The following NPAT variants were observed in gnomAD, a reference collection of about 807,000 sequenced individuals.
NPAT encodes the protein protein NPAT.
A neutral mutation model predicts 130.7 loss-of-function variants in NPAT; 52 were observed. The observed-to-expected ratio is 0.40, with a 90% CI of 0.32 to 0.50. The LOEUF (loss-of-function observed/expected upper bound fraction) is 0.50, where lower values mean the gene tolerates loss of function less well. Ranked by LOEUF, NPAT falls within the 20% of genes least tolerant of loss-of-function variation. The probability of loss-of-function intolerance (pLI) is 0.68; values close to 1 mark genes in which losing one functional copy is unlikely to be tolerated. For synonymous variants in NPAT, 580 were observed against 584.8 expected, an observed-to-expected ratio of 0.99 and a Z score of 0.12; for missense variants, 1,687 against 1,662.6, an observed-to-expected ratio of 1.01 and a Z score of -0.26.
intron 2 of NPAT, among the ~76,000 whole-genome samples, chr11:108,195,072 T>C (rs1420510154): frequency 2.0e-5 from 3 of 152,218 alleles, no homozygotes; most frequent in African/African-American, 7.2e-5. Context: ...TCCACTCGCC[T>C]TGGCCTCCCA....
intron 1 of NPAT, among the ~76,000 whole-genome samples, chr11:108,206,031 C>T (rs1318706523): frequency 3.3e-5 from 5 of 152,156 alleles, no homozygotes; most frequent in East Asian, 1.9e-4. Context: ...GGTGACAGAG[C>T]GAGACCCTGT....
chr11:108,214,623 T>C (rs934382984), intron 1 of NPAT, among the ~76,000 whole-genome samples: 2 of 151,812 alleles, frequency 1.3e-5, no homozygotes, highest in Admixed American at 6.6e-5. Context: ...TAAAAAAATA[T>C]GATTCCAATT....
At chr11:108,210,822 A>G (rs2078377308) in intron 1 of NPAT, among the ~76,000 whole-genome samples, 1 of 152,242 alleles carries the variant, frequency 6.6e-6, no homozygotes, top group Admixed American at 6.5e-5. Flanking sequence ...CTCTTTTTGA[A>G]ATAGTAGGAG....
At chr11:108,176,433 G>C in intron 11 of NPAT, 59 bp from the exon 12 acceptor site, 1 of 1,208,210 alleles carries the variant, frequency 8.3e-7, no homozygotes, top group Non-Finnish European at 1.2e-6. Flanking sequence ...AAACATCAAT[G>C]AATACAGCTT....
chr11:108,162,176 T>C lies in NPAT; in HGVS notation c.3015A>G (p.Lys1005=). The C allele has an allele frequency of 1.9e-6, 3 of 1,613,234 alleles. No homozygotes were observed. The highest frequency in any genetic ancestry group is 2.5e-6 in the Non-Finnish European group (3 of 1,179,230). The part of the protein sequence containing the change: ...QGLRNKPCIG[K]QVNNLVDSSG... Reference sequence around the variant, plus strand: ...ACGAATCCACCAAATTATTTACTTGTTTTCCTGAAATTATAAATGAACATT... The same window carrying C: ...ACGAATCCACCAAATTATTTACTTGCTTTCCTGAAATTATAAATGAACATT... The change falls in exon 16 of 18, where the codon AAA becomes AAG. Residue 1005 remains lysine (K), a synonymous_variant. Transcript: ENST00000278612.
intron 1 of NPAT, among the ~76,000 whole-genome samples, chr11:108,221,214 A>C (rs771849592): frequency 2.6e-5 from 4 of 152,140 alleles, no homozygotes; most frequent in Non-Finnish European, 4.4e-5. Context: ...CGGGTGTCCT[A>C]CTGTAATCTA....
chr11:108,204,748 C>T (rs889100863), intron 1 of NPAT, among the ~76,000 whole-genome samples: 4 of 152,212 alleles, frequency 2.6e-5, no homozygotes, highest in African/African-American at 9.6e-5. Context: ...TGAAACACAT[C>T]CCCCTATCAT....
intron 13 of NPAT, 126 bp downstream of exon 13, chr11:108,172,073 A>C (rs933598540): frequency 1.2e-6 from 1 of 836,818 alleles, no homozygotes; most frequent in Non-Finnish European, 2.0e-6. Flanking sequence ...GCGTAATCAC[A>C]AATTTCAGAA....
chr11:108,160,811 T>C, intron 17 of NPAT, 69 bp downstream of exon 17: 1 of 1,393,942 alleles, frequency 7.2e-7, no homozygotes, highest in Non-Finnish European at 9.9e-7. Flanking sequence ...TGGCAAGAAC[T>C]GCTGAATTCG....
At chr11:108,207,895 G>A (rs74888011) in intron 1 of NPAT, among the ~76,000 whole-genome samples, 98 of 152,348 alleles carry the variant, frequency 6.4e-4, no homozygotes, top group Middle Eastern at 3.4e-3. Context: ...TGCTGCAGCC[G>A]GCGTCTTGGC....
At chr11:108,177,503 C>A (rs149312203) in intron 10 of NPAT, among the ~76,000 whole-genome samples, 1 of 152,072 alleles carries the variant, frequency 6.6e-6, no homozygotes, top group Non-Finnish European at 1.5e-5. Context: ...AGCAGACACT[C>A]GACTATTTCT....
chr11:108,170,663 T>A (rs1301670725), intron 13 of NPAT, among the ~76,000 whole-genome samples: 4 of 152,238 alleles, frequency 2.6e-5, no homozygotes, highest in Non-Finnish European at 5.9e-5. Flanking sequence ...AATACACTAC[T>A]GTCAGGTTGA....
Position 108,173,521 on chromosome 11 carries a change from T to C in NPAT, c.1463A>G (p.Asn488Ser). The C allele has an allele frequency of 6.2e-7, 1 of 1,614,066 alleles. No individual in the cohort carries two copies. Among genetic ancestry groups the C allele is most frequent in the Non-Finnish European group, 8.5e-7 (1 of 1,179,990 alleles). The change falls in exon 13 of 18, where the codon AAC becomes AGC. Residue 488 changes from asparagine to serine, a missense_variant. Around this residue, in one of 3 missense-constraint regions of NPAT, gnomAD observed 1,379 missense variants for 1,346.6 expected, o/e 1.02. Coordinates refer to ENST00000278612, the MANE Select transcript of NPAT (RefSeq NM_002519.3). Reference protein sequence around the residue: ...ETEMAIGIEKNSLSSNVPSES... With the variant: ...ETEMAIGIEKSSLSSNVPSES... ...ACTCGGTACATTTGAAGACAAAGAG[T>C]TCTTTTCAATCCCTATAGCCATTTC...
chr11:108,158,842 T>C lies in NPAT; in HGVS notation c.*100A>G, dbSNP rs2077819783. 1.4e-6 allele frequency: 1 copy of C among 734,372 alleles called. No individual in the cohort carries two copies. The highest frequency in any genetic ancestry group is 2.4e-6 in the Non-Finnish European group (1 of 410,394). The allele number at this position is 734,372 out of a possible 1,614,324, so 45.5% of individuals were successfully genotyped here. On this transcript the variant is annotated 3_prime_UTR_variant, in exon 18 of 18. Coordinates refer to ENST00000278612, the MANE Select transcript of NPAT (RefSeq NM_002519.3). Reference sequence around the variant, plus strand: ...AAGTGAAGTTTCAGTACAATGAAAGTGCAGGTCATGCTTTCAGATTCTGTC... The same window carrying C: ...AAGTGAAGTTTCAGTACAATGAAAGCGCAGGTCATGCTTTCAGATTCTGTC...
At chr11:108,208,746 G>A (rs1565327512) in intron 1 of NPAT, among the ~76,000 whole-genome samples, 1 of 152,062 alleles carries the variant, frequency 6.6e-6, no homozygotes, top group East Asian at 1.9e-4. Flanking sequence ...GTAATACATA[G>A]AACAACTAGG....
chr11:108,171,232 A>G (rs1465247661), intron 13 of NPAT: 1 of 140,568 alleles, frequency 7.1e-6, no homozygotes, highest in Non-Finnish European at 1.5e-5. Context: ...CCAGCTTTAG[A>G]TTCTTCTGTC....
chr11:108,197,246 A>T, intron 2 of NPAT, 56 bp downstream of exon 2: 1 of 1,195,250 alleles, frequency 8.4e-7, no homozygotes, highest in Non-Finnish European at 1.3e-6. Context: ...TTTTATGACT[A>T]TGTTTTTAGT....
intron 3 of NPAT, 75 bp from the exon 4 acceptor site, chr11:108,192,265 C>CA (rs1376916914): frequency 5.1e-5 from 47 of 928,336 alleles, no homozygotes; most frequent in East Asian, 9.6e-5. Context: ...CAAAGACACA[C>CA]AAAAAACCTT....
chr11:108,172,723 GTATCTGAGGAAACAAAT>G lies in NPAT; in HGVS notation c.2244_2260del (p.Phe749Ter). ...ACTAGAAACAGCACTGGTAAGTTCA[GTATCTGAGGAAACAAAT>G]GGATCATCACTAATGATAACTTTGA... On this transcript the variant is annotated frameshift_variant, in exon 13 of 18. Transcript: ENST00000278612. LOFTEE classifies it high-confidence loss of function. 6.2e-7 allele frequency: 1 copy of G among 1,613,582 alleles called. No individual in the cohort carries two copies. Among genetic ancestry groups the G allele is most frequent in the Non-Finnish European group, 8.5e-7 (1 of 1,180,024 alleles).
Sources: allele counts gnomAD v4.1 joint callset (sites outside exome capture counted in the v4.1 genomes callset), GRCh38; gene constraint gnomAD v4.1.1; regional missense constraint gnomAD v4.1.1; transcripts MANE v1.5; gene names NCBI Gene and HGNC (gene_info 2026-07-23, HGNC 2026-07-21).